DTHD1: variants seen among roughly 807,000 people sequenced by gnomAD.
DTHD1 encodes the protein death domain containing 1.
Under a neutral mutation model 74.8 loss-of-function variants are expected in DTHD1, and 59 were observed. The ratio of observed to expected loss-of-function variants is 0.79; its 90% CI spans 0.64 to 0.98. The LOEUF (loss-of-function observed/expected upper bound fraction) is 0.98, where lower values mean the gene tolerates loss of function less well. DTHD1 is among the 50% of genes least tolerant of loss of function. The probability of loss-of-function intolerance (pLI) is 0.00; values close to 1 mark genes in which losing one functional copy is unlikely to be tolerated. For missense variants in DTHD1, 1,051 were observed against 1,065.4 expected (o/e 0.99, Z 0.19); for synonymous variants, 365 against 371.1 (o/e 0.98, Z 0.19).
intron 7 of DTHD1, among the ~76,000 whole-genome samples, chr4:36,310,048 T>C (rs981766863): frequency 6.6e-6 from 1 of 152,246 alleles, no homozygotes; most frequent in Non-Finnish European, 1.5e-5. Flanking sequence ...TTTTTGTGGC[T>C]GCATGGTATT....
chr4:36,324,452 C>T (rs946371393), intron 8 of DTHD1, among the ~76,000 whole-genome samples: 4 of 152,134 alleles, frequency 2.6e-5, no homozygotes, highest in African/African-American at 9.7e-5. Flanking sequence ...ATTAAAATTT[C>T]ATTGATGTGT....
At chr4:36,299,667 C>T (rs1407385762) in intron 5 of DTHD1, among the ~76,000 whole-genome samples, 1 of 152,160 alleles carries the variant, frequency 6.6e-6, no homozygotes, top group African/African-American at 2.4e-5. Flanking sequence ...ATATGACCAC[C>T]TCTTTTTAAA....
At chr4:36,296,669 C>G (rs1306789915) in intron 5 of DTHD1, among the ~76,000 whole-genome samples, 3 of 151,790 alleles carry the variant, frequency 2.0e-5, no homozygotes, top group Non-Finnish European at 4.4e-5. Flanking sequence ...ATATGATGTG[C>G]TTGGGTAATT....
At chr4:36,332,926 A>G (rs1758782698) in intron 8 of DTHD1, 1 of 152,202 alleles carries the variant, frequency 6.6e-6, no homozygotes, top group East Asian at 1.9e-4. Flanking sequence ...ATGCCTCATA[A>G]GTGTGCAGAG....
In DTHD1 at chr4:36,281,665, T is replaced by C; in HGVS notation, c.-94T>C. The C allele has an allele frequency of 8.1e-7, 1 of 1,234,816 alleles. No homozygotes were observed. Among genetic ancestry groups the C allele is most frequent in the Non-Finnish European group, 1.0e-6 (1 of 989,168 alleles). 76.5% of individuals were successfully genotyped at this position (1,234,816 alleles called of 1,614,324 possible). ...GGGCTAGCTGACTCGGATCATCTCC[T>C]AGAGTTTAGGAGAAATAACAATCAC... On this transcript the variant is annotated 5_prime_UTR_variant, in exon 1 of 10. Coordinates refer to ENST00000639862, the MANE Select transcript of DTHD1 (RefSeq NM_001170700.3).
intron 8 of DTHD1, among the ~76,000 whole-genome samples, chr4:36,320,764 C>T (rs1405069790): frequency 1.3e-5 from 2 of 152,156 alleles, no homozygotes; most frequent in African/African-American, 4.8e-5. Flanking sequence ...TTCACCTCAA[C>T]TAAGCAGTAT....
At chr4:36,286,224 C>T (rs181613794) in intron 2 of DTHD1, among the ~76,000 whole-genome samples, 1 of 152,300 alleles carries the variant, frequency 6.6e-6, no homozygotes, top group African/African-American at 2.4e-5. Context: ...TTACCTGTTT[C>T]ACTTGAGAAA....
At chr4:36,307,940 G>A (rs61796603) in intron 6 of DTHD1, among the ~76,000 whole-genome samples, 6,703 of 152,168 alleles carry the variant, frequency 0.044, 236 homozygotes, top group Non-Finnish European at 0.069. Flanking sequence ...GAACTTCTGG[G>A]CTCAAGCGAT....
intron 9 of DTHD1, 121 bp from the exon 10 acceptor site, chr4:36,343,381 G>A: frequency 1.1e-6 from 1 of 898,724 alleles, no homozygotes; most frequent in African/African-American, 1.7e-5. Context: ...TCATATCTCT[G>A]CACTGCTCCA....
In DTHD1 at chr4:36,322,316, G is replaced by A. The variant is rs142307096; in HGVS notation, c.2340+5830G>A. ...ATGCTCAATAAACATGAGTGAATGG[G>A]TATATATAAATAGAACTTGCATTTT... On this transcript the variant is annotated intron_variant, in intron 8 of 9. Coordinates refer to ENST00000639862, the MANE Select transcript of DTHD1 (RefSeq NM_001170700.3). 1.4e-4 allele frequency among the ~76,000 whole-genome samples: 21 copies of A among 152,240 alleles called. No homozygotes were observed. The East Asian group carries it at 3.7e-3, about 27-fold the overall frequency.
rs755590189 is a variant in DTHD1, at chr4:36,316,472, T to C, written c.2326T>C (p.Leu776=). ...TCAGTTGCCAATTTGCAAATTACCA[T>C]TGAAATTGCCAAAGGTGAGTTATTT... ...HSQLPICKLP[L]KLPKHKKLIN... is the part of the protein sequence containing the mutation. Residue 776 remains leucine (L), a synonymous_variant, in exon 8 of 10, where the codon TTG becomes CTG. Coordinates refer to ENST00000639862, the MANE Select transcript of DTHD1 (RefSeq NM_001170700.3). 1 of 1,548,972 alleles carries C rather than the reference T, an allele frequency of 6.5e-7. No homozygotes were observed.
chr4:36,286,217 C>G (rs1185118336), intron 2 of DTHD1, among the ~76,000 whole-genome samples: 1 of 152,150 alleles, frequency 6.6e-6, no homozygotes, highest in Non-Finnish European at 1.5e-5. Context: ...TATGTGGTTA[C>G]CTGTTTCACT....
intron 8 of DTHD1, among the ~76,000 whole-genome samples, chr4:36,320,265 A>G (rs1757971716): frequency 6.6e-6 from 1 of 152,148 alleles, no homozygotes; most frequent in South Asian, 2.1e-4. Flanking sequence ...TCTCTCCCCA[A>G]GGGTGACATT....
Position 36,343,750 on chromosome 4 carries a change from G to C in DTHD1, c.2647G>C (p.Glu883Gln). The change falls in exon 10 of 10, where the codon GAA becomes CAA. Residue 883 changes from glutamate (E) to glutamine (Q), a missense_variant. Transcript: ENST00000639862. ...LRKIGRSDLA[E>Q]ELKFKWENKV... The stretch of plus-strand genomic sequence containing the variant: ...CAAGATTGGCAGGAGTGATCTTGCA[G>C]AAGAGCTCAAATTCAAGTGGGAAAA... The C allele has an allele frequency of 6.4e-7, 1 of 1,551,530 alleles. No individual in the cohort carries two copies. The highest frequency in any genetic ancestry group is 2.4e-5 in the East Asian group (1 of 40,916).
intron 5 of DTHD1, among the ~76,000 whole-genome samples, chr4:36,303,758 T>C (rs1265931028): frequency 6.6e-6 from 1 of 152,158 alleles, no homozygotes; most frequent in Non-Finnish European, 1.5e-5. Context: ...AGCAAAACTC[T>C]CAAATCCCAA....
intron 8 of DTHD1, among the ~76,000 whole-genome samples, chr4:36,323,101 A>T (rs1275077863): frequency 6.6e-6 from 1 of 152,206 alleles, no homozygotes; most frequent in Non-Finnish European, 1.5e-5. Context: ...GGAGTTTCCC[A>T]GTAAAACCTA....
chr4:36,284,252 A>G lies in DTHD1; in HGVS notation c.548A>G (p.His183Arg), dbSNP rs1254334572. 2 of 1,537,194 alleles carry G rather than the reference A, an allele frequency of 1.3e-6. No individual in the cohort carries two copies. Among genetic ancestry groups the G allele is most frequent in the Non-Finnish European group, 1.7e-6 (2 of 1,146,852 alleles). The change falls in exon 2 of 10, where the codon CAT becomes CGT. Residue 183 changes from histidine (H) to arginine (R), a missense_variant. By Grantham distance (29) the His-to-Arg change is conservative (BLOSUM62 0). Transcript: ENST00000639862. ...GTCCAGTTAGAAAAAAATAAAACAC[A>G]TATGAGTTCAGCATTAGTGGAAAAA... ...NQVQLEKNKT[H>R]MSSALVEKEN...
At chr4:36,283,715 T>C in intron 1 of DTHD1, 2 of 450,092 alleles carry the variant, frequency 4.4e-6, no homozygotes, top group South Asian at 8.9e-5. Context: ...TCTTTAAATA[T>C]TCGAAGTATC....
intron 2 of DTHD1, among the ~76,000 whole-genome samples, chr4:36,287,331 G>A (rs1001399034): frequency 2.0e-5 from 3 of 152,260 alleles, no homozygotes; most frequent in Admixed American, 1.3e-4. Context: ...TGGCTGAATA[G>A]TATTCCAGGG....
Sources: allele counts gnomAD v4.1 joint callset (sites outside exome capture counted in the v4.1 genomes callset), GRCh38; gene constraint gnomAD v4.1.1; transcripts MANE v1.5; gene names NCBI Gene and HGNC (gene_info 2026-07-23, HGNC 2026-07-21).